DLGAP1: variants seen among roughly 807,000 people sequenced by gnomAD.
The protein encoded by DLGAP1 is disks large-associated protein 1.
DLGAP1 carries 11 observed loss-of-function variants against 90.8 expected under a neutral mutation model. The ratio of observed to expected loss-of-function variants is 0.12; its 90% CI spans 0.08 to 0.20. The LOEUF (loss-of-function observed/expected upper bound fraction) is 0.20. Ranked by LOEUF, DLGAP1 falls within the 10% of genes least tolerant of loss-of-function variation. The pLI, the probability that DLGAP1 is intolerant of heterozygous loss-of-function variation, is 1.00. For missense variants in DLGAP1, 1,050 were observed against 1,333.8 expected, an observed-to-expected ratio of 0.79 and a Z score of 3.31; for synonymous variants, 558 against 540.7, an observed-to-expected ratio of 1.03 and a Z score of -0.44.
Position 3,499,098 on chromosome 18 carries a change from G to C in DLGAP1, c.*87C>G. ...AGTCACCGAGCTCGGGAGCGGACGG[G>C]CTCGGAGGGGGAGAGGCAGCCGGCA... On this transcript the variant is annotated 3_prime_UTR_variant, in exon 13 of 13. Coordinates refer to ENST00000315677, the MANE Select transcript of DLGAP1 (RefSeq NM_004746.4). The surrounding 1 kb of genome is among the most constrained non-coding windows in gnomAD (Gnocchi z 6.4). The C allele has an allele frequency of 8.0e-7, 1 of 1,255,444 alleles. No homozygotes were observed. Among genetic ancestry groups the C allele is most frequent in the Non-Finnish European group, 1.1e-6 (1 of 941,080 alleles). The allele number at this position is 1,255,444 out of a possible 1,614,324, so 77.8% of individuals were successfully genotyped here.
intron 1 of DLGAP1, among the ~76,000 whole-genome samples, chr18:4,297,123 A>C (rs946236895): frequency 6.6e-6 from 1 of 152,180 alleles, no homozygotes; most frequent in African/African-American, 2.4e-5. Flanking sequence ...ATGGTGGATA[A>C]ATTTTGTTTT....
intron 2 of DLGAP1, among the ~76,000 whole-genome samples, chr18:4,055,451 T>A (rs1386804138): frequency 1.3e-5 from 2 of 152,174 alleles, no homozygotes; most frequent in Non-Finnish European, 2.9e-5. Flanking sequence ...CACCCTCAAG[T>A]GGGCCCCGGT....
chr18:4,374,300 T>C (rs1567870746), intron 1 of DLGAP1, among the ~76,000 whole-genome samples: 1 of 152,146 alleles, frequency 6.6e-6, no homozygotes, highest in Non-Finnish European at 1.5e-5. Flanking sequence ...AGAAATTTTA[T>C]ACTATCCCAA....
chr18:4,333,152 G>C (rs191198526), intron 1 of DLGAP1, among the ~76,000 whole-genome samples: 1 of 151,924 alleles, frequency 6.6e-6, no homozygotes, highest in Admixed American at 6.5e-5. Context: ...ATTCTGCTGA[G>C]CAGTTTGTCT....
intron 7 of DLGAP1, among the ~76,000 whole-genome samples, chr18:3,657,019 T>G (rs759319026): frequency 8.5e-5 from 13 of 152,232 alleles, no homozygotes; most frequent in Non-Finnish European, 7.3e-5. Flanking sequence ...GTGCTGGGAT[T>G]ACAGGCGTGA....
In DLGAP1 at chr18:4,185,302, C is replaced by T. The variant is rs559975504; in HGVS notation, c.-266-34015G>A. Among the ~76,000 whole-genome samples the T allele has an allele frequency of 2.6e-3, 392 of 151,350 alleles. 3 individuals carry two copies. Among genetic ancestry groups the T allele is most frequent in the African/African-American group, 8.3e-3 (344 of 41,278 alleles). The stretch of plus-strand genomic sequence containing the variant: ...CTTTTATTTCAGGTTCAGGGGTCCA[C>T]GTGCAGGTTTCTTACGTAGGTAAAC... On this transcript the variant is annotated intron_variant, in intron 1 of 12. Transcript: ENST00000315677.
intron 3 of DLGAP1, among the ~76,000 whole-genome samples, chr18:3,988,882 G>A (rs190087464): frequency 2.6e-5 from 4 of 152,326 alleles, no homozygotes; most frequent in Admixed American, 2.6e-4. Flanking sequence ...AGCTGTAAAT[G>A]TGCTCAGACA....
At chr18:3,786,939 C>T (rs572349432) in intron 5 of DLGAP1, among the ~76,000 whole-genome samples, 50 of 152,256 alleles carry the variant, frequency 3.3e-4, no homozygotes, top group Admixed American at 7.2e-4. Flanking sequence ...ATAGAGATTT[C>T]ATGGAGTGTG....
intron 5 of DLGAP1, among the ~76,000 whole-genome samples, chr18:3,781,976 ATTG>A (rs1020331496): frequency 1.3e-5 from 2 of 152,032 alleles, no homozygotes; most frequent in Non-Finnish European, 2.9e-5. Flanking sequence ...TGTTGTTGTT[ATTG>A]TTGTTTTTTT....
At chr18:3,615,757 A>G (rs2057836435) in intron 7 of DLGAP1, among the ~76,000 whole-genome samples, 1 of 152,188 alleles carries the variant, frequency 6.6e-6, no homozygotes, top group African/African-American at 2.4e-5. Context: ...TCCAGCCCAA[A>G]TTAACTCACT....
chr18:3,618,248 G>T (rs972514677), intron 7 of DLGAP1, among the ~76,000 whole-genome samples: 3 of 152,170 alleles, frequency 2.0e-5, no homozygotes, highest in African/African-American at 7.2e-5. Flanking sequence ...CGCAGAGTCC[G>T]GCCTTTAAGG....
At chr18:4,262,694 T>G (rs1020343621) in intron 1 of DLGAP1, among the ~76,000 whole-genome samples, 22 of 152,134 alleles carry the variant, frequency 1.4e-4, no homozygotes, top group Non-Finnish European at 3.1e-4. Context: ...GTGGGCACAC[T>G]CTCTGTACCC....
chr18:3,772,388 CT>C (rs1212992647), intron 5 of DLGAP1, among the ~76,000 whole-genome samples: 2 of 30,836 alleles, frequency 6.5e-5, no homozygotes, highest in African/African-American at 1.7e-4. Context: ...TTCTTTCTTT[CT>C]TTCTTTCTTT....
intron 2 of DLGAP1, among the ~76,000 whole-genome samples, chr18:4,042,599 CA>C (rs1278031282): frequency 6.6e-6 from 1 of 152,202 alleles, no homozygotes; most frequent in African/African-American, 2.4e-5. Context: ...ATTAGCTGGT[CA>C]GGGGTGGCGT....
chr18:3,868,746 C>T (rs886773887), intron 4 of DLGAP1, among the ~76,000 whole-genome samples: 5 of 152,198 alleles, frequency 3.3e-5, no homozygotes, highest in African/African-American at 1.2e-4. Context: ...CCCAAAGTCA[C>T]AGGGCTCACA....
At chr18:4,256,941 C>T (rs2078899559) in intron 1 of DLGAP1, among the ~76,000 whole-genome samples, 1 of 152,112 alleles carries the variant, frequency 6.6e-6, no homozygotes. Flanking sequence ...CAGCACAGAG[C>T]ACGTGTGAAC....
At chr18:3,790,772 T>G (rs1226920358) in intron 5 of DLGAP1, among the ~76,000 whole-genome samples, 1 of 152,132 alleles carries the variant, frequency 6.6e-6, no homozygotes, top group Non-Finnish European at 1.5e-5. Context: ...AAGTGGATAG[T>G]GCATTTGTGG....
chr18:3,791,925 T>A (rs910143019), intron 5 of DLGAP1, among the ~76,000 whole-genome samples: 1 of 151,982 alleles, frequency 6.6e-6, no homozygotes, highest in Admixed American at 6.6e-5. Context: ...AAAATAAAAT[T>A]AAAAAAAGGC....
intron 1 of DLGAP1, among the ~76,000 whole-genome samples, chr18:4,426,266 T>G (rs2083150698): frequency 6.6e-6 from 1 of 152,206 alleles, no homozygotes; most frequent in African/African-American, 2.4e-5. Flanking sequence ...CAGTATGGCC[T>G]GATTTGAGGC....
Sources: allele counts gnomAD v4.1 joint callset (sites outside exome capture counted in the v4.1 genomes callset), GRCh38; gene constraint gnomAD v4.1.1; non-coding constraint Gnocchi (gnomAD v3.1); transcripts MANE v1.5; gene names NCBI Gene and HGNC (gene_info 2026-07-23, HGNC 2026-07-21).